The following SRSF4 variants were observed in gnomAD, a reference collection of about 807,000 sequenced individuals.
SRSF4 encodes the protein serine and arginine rich splicing factor 4, also known as serine/arginine-rich splicing factor 4.
Under a neutral mutation model 48.8 loss-of-function variants are expected in SRSF4, and 12 were observed. The observed-to-expected ratio is 0.25, with a 90% CI of 0.16 to 0.40. The LOEUF is 0.40. SRSF4 is among the 10% of genes least tolerant of loss of function. The pLI is 1.00. For missense variants in SRSF4, 466 were observed against 667.1 expected, an observed-to-expected ratio of 0.70 and a Z score of 3.32; for synonymous variants, 248 against 232.5, an observed-to-expected ratio of 1.07 and a Z score of -0.61.
At chr1:29,174,386 G>A (rs1056610776) in intron 1 of SRSF4, among the ~76,000 whole-genome samples, 6 of 152,040 alleles carry the variant, frequency 3.9e-5, no homozygotes, top group African/African-American at 7.2e-5. Context: ...TTCATATAAA[G>A]GATATTCAAC....
chr1:29,168,159 T>A (rs965528509), intron 1 of SRSF4, among the ~76,000 whole-genome samples: 1 of 151,554 alleles, frequency 6.6e-6, no homozygotes, highest in African/African-American at 2.4e-5. Context: ...GGACTACAGG[T>A]GTGCACCACC....
At position 29,154,937 on chromosome 1, in the gene SRSF4, A is replaced by G. The variant is rs528111396; in HGVS notation, c.364-27T>C. ...TGAAGAAAAAAAAAAGTGTGACTACATTAGGATATGTTTTGCTAAAATATC... is the reference window on the plus strand; with the variant it reads ...TGAAGAAAAAAAAAAGTGTGACTACGTTAGGATATGTTTTGCTAAAATATC... On this transcript the variant is annotated intron_variant, in intron 3 of 5. Coordinates refer to ENST00000373795, the MANE Select transcript of SRSF4 (RefSeq NM_005626.5). 3.8e-6 allele frequency: 6 copies of G among 1,590,802 alleles called. No individual in the cohort carries two copies. In the South Asian group the frequency reaches 6.8e-5, roughly 18 times the overall value.
rs1672966379 is a variant in SRSF4, at chr1:29,181,825, G to A, written c.-73C>T. 8.7e-6 allele frequency: 11 copies of A among 1,269,966 alleles called. No individual in the cohort carries two copies. The highest frequency in any genetic ancestry group is 1.1e-5 in the Non-Finnish European group (11 of 978,914). The allele number at this position is 1,269,966 out of a possible 1,614,324, so 78.7% of individuals were successfully genotyped here. A position where few individuals can be genotyped will look rare whatever the true frequency, so the allele number is the denominator to read the frequency against. On this transcript the variant is annotated 5_prime_UTR_variant, in exon 1 of 6. Coordinates refer to ENST00000373795, the MANE Select transcript of SRSF4 (RefSeq NM_005626.5). Reference sequence around the variant, plus strand: ...CGGCGGCGGGCAAAGCGAGAGCACGGCGGCAGCGGCGGCGGCGGCAACGGG... The same window carrying A: ...CGGCGGCGGGCAAAGCGAGAGCACGACGGCAGCGGCGGCGGCGGCAACGGG...
In SRSF4 at chr1:29,163,933, C is replaced by T. The variant is rs1672634042; in HGVS notation, c.108-3416G>A. Among the ~76,000 whole-genome samples, 4 of 152,164 alleles carry T rather than the reference C, an allele frequency of 2.6e-5. No individual in the cohort carries two copies. The South Asian group carries it at 8.3e-4, about 32-fold the overall frequency. On this transcript the variant is annotated intron_variant, in intron 1 of 5. Coordinates refer to ENST00000373795, the MANE Select transcript of SRSF4 (RefSeq NM_005626.5). The stretch of plus-strand genomic sequence containing the variant: ...TTATTTCTCTGGGTCTTAGTTTATT[C>T]ATGAAATGAGGGAAGTATACTGCAT...
At chr1:29,164,938 T>C (rs973275993) in intron 1 of SRSF4, among the ~76,000 whole-genome samples, 2 of 152,182 alleles carry the variant, frequency 1.3e-5, no homozygotes, top group African/African-American at 4.8e-5. Context: ...AATCCGAAAC[T>C]TTCTGAGCAG....
intron 1 of SRSF4, among the ~76,000 whole-genome samples, chr1:29,163,137 TC>T (rs1201166800): frequency 3.9e-5 from 6 of 152,212 alleles, no homozygotes; most frequent in Non-Finnish European, 8.8e-5. Flanking sequence ...CAATAAAACT[TC>T]CTTGAGTTAC....
At chr1:29,175,679 A>T (rs1672829900) in intron 1 of SRSF4, among the ~76,000 whole-genome samples, 1 of 110,216 alleles carries the variant, frequency 9.1e-6, no homozygotes, top group Admixed American at 1.2e-4. Flanking sequence ...TGGGCGACAG[A>T]GCCAGACGCT....
At position 29,147,984 on chromosome 1, in the gene SRSF4, A is replaced by T; in HGVS notation, c.*426T>A. On this transcript the variant is annotated 3_prime_UTR_variant, in exon 6 of 6. Coordinates refer to ENST00000373795, the MANE Select transcript of SRSF4 (RefSeq NM_005626.5). ...GTTAAGTCCAAAAATATGAAACCAA[A>T]GTGGTAGGAAACTTAAGACTTAGCA... The T allele has an allele frequency of 2.3e-6, 1 of 432,018 alleles. No individual in the cohort carries two copies. Among genetic ancestry groups the T allele is most frequent in the South Asian group, 1.6e-5 (1 of 61,878 alleles). 26.8% of individuals were successfully genotyped at this position (432,018 alleles called of 1,614,324 possible). A position where few individuals can be genotyped will look rare whatever the true frequency, so the allele number is the denominator to read the frequency against.
At chr1:29,158,431 C>A (rs1672534368) in intron 3 of SRSF4, among the ~76,000 whole-genome samples, 1 of 130,290 alleles carries the variant, frequency 7.7e-6, no homozygotes, top group African/African-American at 2.7e-5. Flanking sequence ...CTTCTTGTAA[C>A]CCTTTTTTTT....
chr1:29,150,409 C>T (rs1309941819), intron 4 of SRSF4, among the ~76,000 whole-genome samples: 1 of 152,140 alleles, frequency 6.6e-6, no homozygotes, highest in African/African-American at 2.4e-5. Flanking sequence ...GGATTACAGG[C>T]ATGTGCTACC....
intron 2 of SRSF4, 84 bp downstream of exon 2, chr1:29,160,291 A>C (rs1672573924): frequency 7.0e-7 from 1 of 1,432,446 alleles, no homozygotes; most frequent in Non-Finnish European, 9.3e-7. Context: ...AATACGTTTA[A>C]ATGTAATATC....
At chr1:29,171,286 G>C (rs907338309) in intron 1 of SRSF4, 31 of 151,574 alleles carry the variant, frequency 2.0e-4, no homozygotes, top group African/African-American at 7.5e-4. Context: ...AGCCTCTACA[G>C]AGACTAAAGG....
At chr1:29,152,694 G>A (rs1467356852) in intron 4 of SRSF4, among the ~76,000 whole-genome samples, 2 of 152,072 alleles carry the variant, frequency 1.3e-5, no homozygotes. Context: ...CGAGGTGGGT[G>A]GGTCACCTGA....
chr1:29,155,187 T>C (rs187909823), intron 3 of SRSF4, among the ~76,000 whole-genome samples: 5 of 152,220 alleles, frequency 3.3e-5, no homozygotes, highest in Admixed American at 2.0e-4. Flanking sequence ...TCCCAGCACT[T>C]TGACAAGCTG....
chr1:29,173,501 C>G (rs1433430676), intron 1 of SRSF4: 2 of 109,696 alleles, frequency 1.8e-5, no homozygotes, highest in East Asian at 3.0e-4. Context: ...GAGTCTCACT[C>G]TGTTGCCCAG....
rs1353329684 is a variant in SRSF4, at chr1:29,148,122, C to G, written c.*288G>C. On this transcript the variant is annotated 3_prime_UTR_variant, in exon 6 of 6. Coordinates refer to ENST00000373795, the MANE Select transcript of SRSF4 (RefSeq NM_005626.5). ...CCTTAGAGCCGTCCAGGTTACTGAG[C>G]TCCCTGTAGGAAAGGCCAGGCCTGA... 6 of 570,384 alleles carry G rather than the reference C, an allele frequency of 1.1e-5. No individual in the cohort carries two copies. Among genetic ancestry groups the G allele is most frequent in the African/African-American group, 7.4e-5 (4 of 54,246 alleles). 35.3% of individuals were successfully genotyped at this position (570,384 alleles called of 1,614,324 possible). A position where few individuals can be genotyped will look rare whatever the true frequency, so the allele number is the denominator to read the frequency against.
At chr1:29,160,002 G>A (rs1413021826) in intron 2 of SRSF4, 1 of 194,236 alleles carries the variant, frequency 5.1e-6, no homozygotes, top group Non-Finnish European at 1.1e-5. Flanking sequence ...GCCACGCATG[G>A]AAAGGTAACC....
chr1:29,168,210 T>A (rs1400134727), intron 1 of SRSF4, among the ~76,000 whole-genome samples: 1 of 129,016 alleles, frequency 7.8e-6, no homozygotes, highest in African/African-American at 3.1e-5. Flanking sequence ...TTTTTTTTTT[T>A]AGGAGAGACA....
intron 1 of SRSF4, chr1:29,168,801 T>C (rs909523783): frequency 6.6e-6 from 1 of 152,172 alleles, no homozygotes; most frequent in East Asian, 1.9e-4. Flanking sequence ...TGAATGAATA[T>C]TGGCAATATT....
Sources: allele counts gnomAD v4.1 joint callset (sites outside exome capture counted in the v4.1 genomes callset), GRCh38; gene constraint gnomAD v4.1.1; transcripts MANE v1.5; gene names NCBI Gene and HGNC (gene_info 2026-07-23, HGNC 2026-07-21).